The following KIAA1549L variants were observed in gnomAD, a reference collection of about 807,000 sequenced individuals.
The protein encoded by KIAA1549L is KIAA1549 like.
Under a neutral mutation model 160.7 loss-of-function variants are expected in KIAA1549L, and 88 were observed. The ratio of observed to expected loss-of-function variants is 0.55; its 90% confidence interval spans 0.46 to 0.65. The LOEUF is 0.65. Ranked by LOEUF, KIAA1549L falls within the 30% of genes least tolerant of loss-of-function variation. KIAA1549L has a pLI of 0.00. For missense variants in KIAA1549L, 2,258 were observed against 2,437.5 expected (o/e 0.93, Z 1.55); for synonymous variants, 950 against 976.7 (o/e 0.97, Z 0.51).
intron 1 of KIAA1549L, among the ~76,000 whole-genome samples, chr11:33,514,236 C>G (rs143019976): frequency 2.0e-5 from 3 of 152,132 alleles, no homozygotes; most frequent in Non-Finnish European, 4.4e-5. Flanking sequence ...GTAAACTACA[C>G]GAAGAATAAA....
At position 33,428,021 on chromosome 11, in the gene KIAA1549L, A is replaced by G. The variant is rs980501997; in HGVS notation, c.238+51132A>G. Among the ~76,000 whole-genome samples the G allele has an allele frequency of 1.2e-4, 19 of 152,222 alleles. 1 individual carries two copies. Among genetic ancestry groups the G allele is most frequent in the African/African-American group, 4.3e-4 (18 of 41,460 alleles). On this transcript the variant is annotated intron_variant, in intron 1 of 20. Transcript: ENST00000658780. ...ATTTTGCTTATCAGTTCGTCCACTG[A>G]TAGACATTTGGTTGTTTCCACCTTT...
chr11:33,504,185 G>A (rs576487331), intron 1 of KIAA1549L, among the ~76,000 whole-genome samples: 14 of 152,078 alleles, frequency 9.2e-5, no homozygotes, highest in Middle Eastern at 6.8e-3. Flanking sequence ...TGCTCGAACC[G>A]GGGAGGTGGA....
rs1429828507 is a variant in KIAA1549L at position 33,671,685 on chromosome 11, A to T, written c.*3531A>T. 6.6e-6 allele frequency: 1 copy of T among 152,158 alleles called. No individual in the cohort carries two copies. Among genetic ancestry groups the T allele is most frequent in the Non-Finnish European group, 1.5e-5 (1 of 68,028 alleles). 9.4% of individuals were successfully genotyped at this position (152,158 alleles called of 1,614,324 possible). On this transcript the variant is annotated 3_prime_UTR_variant, in exon 21 of 21. Transcript: ENST00000658780. ...TTAACTAATAGAGATGCTTTTTCTA[A>T]CAGGCAGAAATTAGAGAAATGGATC...
At chr11:33,533,790 T>C (rs1283702425) in intron 1 of KIAA1549L, among the ~76,000 whole-genome samples, 1 of 152,254 alleles carries the variant, frequency 6.6e-6, no homozygotes, top group East Asian at 1.9e-4. Flanking sequence ...TTTATTATTT[T>C]GAGAGTCTTT....
intron 1 of KIAA1549L, among the ~76,000 whole-genome samples, chr11:33,513,752 G>T (rs1853278003): frequency 6.6e-6 from 1 of 152,170 alleles, no homozygotes. Context: ...GTTCACTCTT[G>T]GGCCAGTTGG....
rs117112855 is a variant in KIAA1549L at position 33,521,370 on chromosome 11, G to A, written c.239-20432G>A. On this transcript the variant is annotated intron_variant, in intron 1 of 20. Coordinates refer to ENST00000658780, the MANE Select transcript of KIAA1549L (RefSeq NM_012194.3). ...ACTTACTTACCGACTGTATGACTTT[G>A]GGTAAGGTTTTTAACTTTTCTGTGC... Among the ~76,000 whole-genome samples, 70 of 152,298 alleles carry A rather than the reference G, an allele frequency of 4.6e-4. No individual in the cohort carries two copies. In the East Asian group the frequency reaches 0.012, roughly 26 times the overall value.
Position 33,673,556 on chromosome 11 carries a change from G to A in KIAA1549L, c.*5402G>A, listed in dbSNP as rs1251720060. On this transcript the variant is annotated 3_prime_UTR_variant, in exon 21 of 21. Transcript: ENST00000658780. ...GTCTCTGATTCCTCATCTGTCAAAT[G>A]AGTATAAGACCCTCTGTACTTCCCA... 6.6e-6 allele frequency: 1 copy of A among 152,166 alleles called. No homozygotes were observed. Among genetic ancestry groups the A allele is most frequent in the Non-Finnish European group, 1.5e-5 (1 of 68,040 alleles). 9.4% of individuals were successfully genotyped at this position (152,166 alleles called of 1,614,324 possible). A position where few individuals can be genotyped will look rare whatever the true frequency, so the allele number is the denominator to read the frequency against.
intron 1 of KIAA1549L, among the ~76,000 whole-genome samples, chr11:33,383,991 A>G (rs1303335386): frequency 1.3e-5 from 2 of 152,194 alleles, no homozygotes; most frequent in African/African-American, 4.8e-5. Flanking sequence ...TGTAATTTAC[A>G]TACAGTGAAA....
At chr11:33,582,617 G>A (rs1018408339) in intron 10 of KIAA1549L, among the ~76,000 whole-genome samples, 2 of 152,188 alleles carry the variant, frequency 1.3e-5, no homozygotes, top group African/African-American at 4.8e-5. Flanking sequence ...ATACACCCAT[G>A]TAACCCAACT....
At chr11:33,631,973 C>T (rs921573137) in intron 16 of KIAA1549L, among the ~76,000 whole-genome samples, 5 of 152,142 alleles carry the variant, frequency 3.3e-5, no homozygotes, top group Admixed American at 3.3e-4. Context: ...AAATGGGTCA[C>T]GTTTCTAGCT....
chr11:33,542,994 C>T lies in KIAA1549L; in HGVS notation c.1431C>T (p.Thr477=), dbSNP rs766647531. 32 of 1,613,884 alleles carry T rather than the reference C, an allele frequency of 2.0e-5. No homozygotes were observed. The Admixed American group carries it at 5.2e-4, about 26-fold the overall frequency. ...TSSLVPSLHI[T]TLGQEQAILS... Reference sequence around the variant, plus strand: ...CTTTGGTGCCTTCTCTGCATATCACCACACTGGGTCAAGAGCAAGCCATCC... The same window carrying T: ...CTTTGGTGCCTTCTCTGCATATCACTACACTGGGTCAAGAGCAAGCCATCC... Residue 477 remains threonine, a synonymous_variant, in exon 2 of 21, where the codon ACC becomes ACT. Coordinates refer to ENST00000658780, the MANE Select transcript of KIAA1549L (RefSeq NM_012194.3).
intron 1 of KIAA1549L, among the ~76,000 whole-genome samples, chr11:33,525,976 G>A (rs1020893052): frequency 2.0e-5 from 3 of 152,016 alleles, no homozygotes; most frequent in African/African-American, 7.3e-5. Context: ...GCTGCAGCAA[G>A]CCCTGCCCAA....
chr11:33,637,810 C>T (rs1414467320), intron 16 of KIAA1549L, among the ~76,000 whole-genome samples: 2 of 152,192 alleles, frequency 1.3e-5, no homozygotes, highest in Non-Finnish European at 2.9e-5. Context: ...CTCTAATGAC[C>T]TCATTTAACT....
intron 12 of KIAA1549L, among the ~76,000 whole-genome samples, chr11:33,595,854 A>G (rs928296727): frequency 1.4e-4 from 22 of 152,104 alleles, no homozygotes; most frequent in African/African-American, 5.1e-4. Flanking sequence ...AGATATCTCA[A>G]TTTTTATGAA....
intron 1 of KIAA1549L, among the ~76,000 whole-genome samples, chr11:33,518,920 C>G (rs1390741182): frequency 6.6e-6 from 1 of 152,116 alleles, no homozygotes; most frequent in Non-Finnish European, 1.5e-5. Context: ...ATCTGAAATC[C>G]AAAATGCTCC....
chr11:33,377,236 C>T (rs1285553904), intron 1 of KIAA1549L, among the ~76,000 whole-genome samples: 5 of 152,138 alleles, frequency 3.3e-5, no homozygotes, highest in African/African-American at 1.2e-4. Flanking sequence ...ATTTTGGGCT[C>T]TCTGTTGAGT....
chr11:33,470,832 T>C (rs1852164078), intron 1 of KIAA1549L, among the ~76,000 whole-genome samples: 1 of 152,186 alleles, frequency 6.6e-6, no homozygotes, highest in Non-Finnish European at 1.5e-5. Context: ...TTTGGCTTTG[T>C]TTTGGTTATT....
intron 1 of KIAA1549L, among the ~76,000 whole-genome samples, chr11:33,538,994 T>G (rs1353293673): frequency 6.6e-6 from 1 of 152,210 alleles, no homozygotes; most frequent in Non-Finnish European, 1.5e-5. Context: ...GCCTTTCTGT[T>G]TAATCCTAAT....
Position 33,544,261 on chromosome 11 carries a change from T to A in KIAA1549L, c.2698T>A (p.Ser900Thr). The A allele has an allele frequency of 6.2e-7, 1 of 1,614,014 alleles. No individual in the cohort carries two copies. Among genetic ancestry groups the A allele is most frequent in the Non-Finnish European group, 8.5e-7 (1 of 1,179,886 alleles). The change falls in exon 2 of 21, where the codon TCT (serine) becomes ACT (threonine). Residue 900 changes from serine (S) to threonine (T), a missense_variant. Around this residue, in one of 6 missense-constraint regions of KIAA1549L, gnomAD observed 287 missense variants for 292.3 expected, o/e 0.98. Coordinates refer to ENST00000658780, the MANE Select transcript of KIAA1549L (RefSeq NM_012194.3). ...GGGATATCACTCTGCTGCTGAATCT[T>A]CTATATCGACCAGTGTCTTTCCCAG... ...ILGYHSAAES[S>T]ISTSVFPRTS...
Sources: gnomAD v4.1 joint callset for allele counts (sites outside exome capture counted in the v4.1 genomes callset) on GRCh38, gnomAD v4.1.1 for gene constraint, gnomAD v4.1.1 regional missense constraint, MANE v1.5 for transcripts, NCBI Gene and HGNC (gene_info 2026-07-23, HGNC 2026-07-21) for gene names.